PALLD: variants seen among roughly 807,000 people sequenced by gnomAD.
PALLD encodes palladin.
Under a neutral mutation model 123.5 loss-of-function variants are expected in PALLD, and 61 were observed. The observed-to-expected ratio is 0.49, with a 90% CI of 0.40 to 0.61. The LOEUF (loss-of-function observed/expected upper bound fraction) is 0.61, where lower values mean the gene tolerates loss of function less well. PALLD is among the 20% of genes least tolerant of loss of function. PALLD has a pLI of 0.00. For synonymous variants in PALLD, 465 were observed against 496.4 expected, an observed-to-expected ratio of 0.94 and a Z score of 0.84; for missense variants, 1,273 against 1,377.0, an observed-to-expected ratio of 0.92 and a Z score of 1.20.
chr4:168,698,182 A>C (rs570315166), intron 8 of PALLD, among the ~76,000 whole-genome samples: 18 of 152,322 alleles, frequency 1.2e-4, no homozygotes, highest in African/African-American at 4.3e-4. Context: ...CAGTAGAAGG[A>C]TGGCTACCAG....
chr4:168,809,714 A>G (rs147835874), intron 10 of PALLD, among the ~76,000 whole-genome samples: 20 of 152,200 alleles, frequency 1.3e-4, no homozygotes, highest in African/African-American at 4.8e-4. Context: ...AAATACAAAA[A>G]TTATCCAGAC....
chr4:168,636,767 C>T (rs998172695), intron 2 of PALLD, among the ~76,000 whole-genome samples: 8 of 152,182 alleles, frequency 5.3e-5, no homozygotes, highest in Non-Finnish European at 5.9e-5. Flanking sequence ...CCTTTTCTTA[C>T]AGTCCCAGTG....
At chr4:168,547,313 T>C (rs969511689) in intron 2 of PALLD, among the ~76,000 whole-genome samples, 3 of 151,940 alleles carry the variant, frequency 2.0e-5, no homozygotes, top group African/African-American at 7.3e-5. Context: ...CTCAGGTTAT[T>C]AGGAAAACCA....
At chr4:168,925,746 T>C (rs1435796630) in intron 21 of PALLD, among the ~76,000 whole-genome samples, 3 of 152,224 alleles carry the variant, frequency 2.0e-5, no homozygotes, top group Non-Finnish European at 4.4e-5. Flanking sequence ...TTGCCTCTTC[T>C]TGAAATAACT....
intron 8 of PALLD, among the ~76,000 whole-genome samples, chr4:168,705,458 C>T (rs566811248): frequency 6.6e-6 from 1 of 152,164 alleles, no homozygotes; most frequent in Non-Finnish European, 1.5e-5. Context: ...TAAAACCTTT[C>T]CTTAACAAGT....
At chr4:168,556,543 G>C (rs991463681) in intron 2 of PALLD, among the ~76,000 whole-genome samples, 1 of 152,154 alleles carries the variant, frequency 6.6e-6, no homozygotes, top group Non-Finnish European at 1.5e-5. Context: ...AGCGAAGCAG[G>C]ATGCTTTCAA....
rs772954957 is a variant in PALLD, at chr4:168,711,895, C to G, written c.1936C>G (p.Pro646Ala). 1.2e-6 allele frequency: 2 copies of G among 1,613,972 alleles called. No homozygotes were observed. Among genetic ancestry groups the G allele is most frequent in the Non-Finnish European group, 1.7e-6 (2 of 1,179,894 alleles). The change falls in exon 10 of 22, where the codon CCA (proline) becomes GCA (alanine). Residue 646 changes from proline to alanine, a missense_variant. Physicochemically the swap from Pro to Ala is conservative, Grantham distance 27. Around this residue, in one of 2 missense-constraint regions of PALLD, gnomAD observed 944 missense variants for 954.5 expected, o/e 0.99. Transcript: ENST00000505667. ...TGTCCTGCTTTCACCCACTAAGGAG[C>G]CACCACCTCTGCTTGCCAAACCAAA... ...PAVLLSPTKEPPPLLAKPKLG... is the reference protein window; with the variant it reads ...PAVLLSPTKEAPPLLAKPKLG...
intron 3 of PALLD, among the ~76,000 whole-genome samples, chr4:168,675,642 G>T (rs575999168): frequency 6.6e-6 from 1 of 152,210 alleles, no homozygotes; most frequent in Non-Finnish European, 1.5e-5. Flanking sequence ...ATTGTTGTAA[G>T]GGTTGAGTGG....
chr4:168,808,383 G>A (rs1740549255), intron 10 of PALLD, among the ~76,000 whole-genome samples: 5 of 152,068 alleles, frequency 3.3e-5, no homozygotes, highest in Admixed American at 3.3e-4. Context: ...AAGAGGCTGA[G>A]GCAGGAGAAT....
At chr4:168,597,513 C>CT (rs1772115403) in intron 2 of PALLD, among the ~76,000 whole-genome samples, 1 of 152,070 alleles carries the variant, frequency 6.6e-6, no homozygotes, top group African/African-American at 2.4e-5. Context: ...TATTGATGTA[C>CT]TGCCTGGCAT....
At chr4:168,549,291 G>C (rs889949950) in intron 2 of PALLD, among the ~76,000 whole-genome samples, 5 of 151,146 alleles carry the variant, frequency 3.3e-5, no homozygotes, top group African/African-American at 9.7e-5. Flanking sequence ...TAGTATTGCA[G>C]CGTCTAAACC....
chr4:168,638,020 C>T (rs1776525429), intron 2 of PALLD, among the ~76,000 whole-genome samples: 1 of 147,504 alleles, frequency 6.8e-6, no homozygotes, highest in South Asian at 2.2e-4. Flanking sequence ...TAACAGTTTA[C>T]ATCATTATTA....
At chr4:168,840,004 T>G (rs900876526) in intron 10 of PALLD, among the ~76,000 whole-genome samples, 2 of 152,194 alleles carry the variant, frequency 1.3e-5, no homozygotes, top group Non-Finnish European at 2.9e-5. Context: ...AATAGATTGA[T>G]TCAAAACTGG....
chr4:168,502,845 AG>A (rs1253651260), intron 1 of PALLD, among the ~76,000 whole-genome samples: 1 of 152,238 alleles, frequency 6.6e-6, no homozygotes, highest in Non-Finnish European at 1.5e-5. Flanking sequence ...TCAAGGCTAC[AG>A]TGAGCTATGA....
chr4:168,529,388 C>T (rs978856777), intron 2 of PALLD, among the ~76,000 whole-genome samples: 19 of 152,050 alleles, frequency 1.2e-4, no homozygotes, highest in African/African-American at 4.3e-4. Flanking sequence ...CTCCCTCCCT[C>T]AGTCATGTAA....
chr4:168,865,423 A>G (rs1311854252), intron 10 of PALLD, among the ~76,000 whole-genome samples: 2 of 152,230 alleles, frequency 1.3e-5, no homozygotes, highest in Non-Finnish European at 2.9e-5. Context: ...TTTGGCTTGT[A>G]TATCTTGGCC....
intron 10 of PALLD, among the ~76,000 whole-genome samples, chr4:168,830,446 C>A (rs1266750322): frequency 1.3e-5 from 2 of 151,950 alleles, no homozygotes; most frequent in Admixed American, 1.3e-4. Context: ...GGGAGGATCA[C>A]TTGAGCCTGG....
At chr4:168,602,932 T>C in intron 2 of PALLD, among the ~76,000 whole-genome samples, 1 of 92,728 alleles carries the variant, frequency 1.1e-5, no homozygotes, top group African/African-American at 4.8e-5. Context: ...GCCCAGCTAA[T>C]TAAAAAAAAA....
At chr4:168,683,471 C>T (rs1020260857) in intron 5 of PALLD, among the ~76,000 whole-genome samples, 5 of 152,134 alleles carry the variant, frequency 3.3e-5, no homozygotes, top group Admixed American at 2.6e-4. Flanking sequence ...AAAGACAAGT[C>T]TGCATACCAA....
Sources: allele counts gnomAD v4.1 joint callset (sites outside exome capture counted in the v4.1 genomes callset), GRCh38; gene constraint gnomAD v4.1.1; regional missense constraint gnomAD v4.1.1; transcripts MANE v1.5; gene names NCBI Gene and HGNC (gene_info 2026-07-23, HGNC 2026-07-21).